Variants in RPS6KC1 observed in about 807,000 individuals in gnomAD.
The protein encoded by RPS6KC1 is inactive ribosomal protein S6 kinase delta-1.
RPS6KC1 carries 54 observed loss-of-function variants against 103.8 expected under a neutral mutation model. That is an observed-to-expected ratio of 0.52 (90% CI 0.42 to 0.65). RPS6KC1 has a LOEUF of 0.65. Among genes scored for constraint, RPS6KC1 ranks in the 30% least tolerant of loss-of-function variants. The pLI, the probability that RPS6KC1 is intolerant of heterozygous loss-of-function variation, is 0.00. For synonymous variants in RPS6KC1, 439 were observed against 438.7 expected, an observed-to-expected ratio of 1.00 and a Z score of -0.01; for missense variants, 1,151 against 1,253.8, an observed-to-expected ratio of 0.92 and a Z score of 1.24.
chr1:213,117,202 TTAGTA>T (rs2083754225), intron 4 of RPS6KC1, 110 bp from the exon 5 acceptor site: 2 of 597,928 alleles, frequency 3.3e-6, no homozygotes, highest in Admixed American at 3.2e-5. Context: ...GTTTAATAGA[TTAGTA>T]TAGTCGTTTC....
the RPS6KC1 span, among the ~76,000 whole-genome samples, chr1:213,558,342 T>C: frequency 6.6e-6 from 1 of 152,206 alleles, no homozygotes; most frequent in African/African-American, 2.4e-5. Flanking sequence ...TTGCGGCACC[T>C]GCCTCTGGAT....
At chr1:213,739,386 T>C in the RPS6KC1 span, among the ~76,000 whole-genome samples, 1 of 152,168 alleles carries the variant, frequency 6.6e-6, no homozygotes, top group Admixed American at 6.5e-5. Context: ...TAGTTAAGTT[T>C]TGGGAGAGTC....
chr1:213,182,900 T>C (rs1333951144), intron 8 of RPS6KC1, among the ~76,000 whole-genome samples: 1 of 149,484 alleles, frequency 6.7e-6, no homozygotes, highest in East Asian at 1.9e-4. Flanking sequence ...ATGACGTATA[T>C]ATCATATATA....
the RPS6KC1 span, among the ~76,000 whole-genome samples, chr1:213,406,053 G>A: frequency 8.1e-4 from 124 of 152,344 alleles, 1 homozygote; most frequent in African/African-American, 2.7e-3. Context: ...CTCTGGGGTT[G>A]CAGCACACTG....
chr1:213,741,781 T>G, the RPS6KC1 span, among the ~76,000 whole-genome samples: 2 of 152,028 alleles, frequency 1.3e-5, no homozygotes, highest in Admixed American at 1.3e-4. Flanking sequence ...GCAGATGGTG[T>G]CTCTGAGGGT....
the RPS6KC1 span, among the ~76,000 whole-genome samples, chr1:213,323,175 C>A: frequency 6.6e-6 from 1 of 151,976 alleles, no homozygotes; most frequent in African/African-American, 2.4e-5. Flanking sequence ...TCCTCTTTCC[C>A]ATATAGAGAC....
the RPS6KC1 span, among the ~76,000 whole-genome samples, chr1:213,570,562 A>G: frequency 0.45 from 68,107 of 151,632 alleles, 16,483 homozygotes; most frequent in African/African-American, 0.66. Context: ...AATGCCCCCT[A>G]CGAAACACTT....
At chr1:213,802,334 AC>A in the RPS6KC1 span, among the ~76,000 whole-genome samples, 2 of 152,224 alleles carry the variant, frequency 1.3e-5, no homozygotes, top group Non-Finnish European at 2.9e-5. Flanking sequence ...AATCCAGTAA[AC>A]CTAGAAAAAC....
chr1:213,761,369 G>A, the RPS6KC1 span, among the ~76,000 whole-genome samples: 18 of 152,162 alleles, frequency 1.2e-4, no homozygotes, highest in African/African-American at 3.9e-4. Context: ...CAATATCTGG[G>A]GCAATTTCTC....
At chr1:213,578,950 A>C in the RPS6KC1 span, among the ~76,000 whole-genome samples, 2 of 152,062 alleles carry the variant, frequency 1.3e-5, no homozygotes, top group Non-Finnish European at 2.9e-5. Flanking sequence ...CCAGGGGTGG[A>C]ATGATATGAT....
the RPS6KC1 span, among the ~76,000 whole-genome samples, chr1:213,451,470 C>T: frequency 1.3e-5 from 2 of 152,216 alleles, no homozygotes; most frequent in South Asian, 2.1e-4. Flanking sequence ...TTGCATGGAA[C>T]AGGGATTCCC....
At chr1:213,764,157 C>T in the RPS6KC1 span, among the ~76,000 whole-genome samples, 1 of 152,224 alleles carries the variant, frequency 6.6e-6, no homozygotes, top group Non-Finnish European at 1.5e-5. Flanking sequence ...TTATCACCTT[C>T]ATGCACTTGT....
the RPS6KC1 span, among the ~76,000 whole-genome samples, chr1:213,524,015 G>A: frequency 6.6e-6 from 1 of 152,020 alleles, no homozygotes; most frequent in Admixed American, 6.6e-5. Flanking sequence ...GAAGATTGTC[G>A]GTGACTCCCA....
At chr1:213,159,953 T>C (rs564167537) in intron 6 of RPS6KC1, among the ~76,000 whole-genome samples, 1 of 152,300 alleles carries the variant, frequency 6.6e-6, no homozygotes, top group Non-Finnish European at 1.5e-5. Flanking sequence ...TAAATGAAAA[T>C]CTATTATTTT....
intron 12 of RPS6KC1, among the ~76,000 whole-genome samples, chr1:213,244,460 A>T (rs1304514149): frequency 6.6e-6 from 1 of 152,024 alleles, no homozygotes; most frequent in East Asian, 1.9e-4. Flanking sequence ...TTTTGTTGTT[A>T]CTTTCTTTTT....
the RPS6KC1 span, among the ~76,000 whole-genome samples, chr1:213,447,526 C>T: frequency 2.6e-5 from 4 of 152,202 alleles, no homozygotes; most frequent in African/African-American, 7.2e-5. Flanking sequence ...TTTCCCAGCA[C>T]ATGTGTTATA....
chr1:213,227,910 T>A (rs2093997208), intron 8 of RPS6KC1, among the ~76,000 whole-genome samples: 1 of 152,260 alleles, frequency 6.6e-6, no homozygotes, highest in Non-Finnish European at 1.5e-5. Context: ...GTAATCTCTC[T>A]GTTTTAAGGT....
At chr1:213,122,429 A>C (rs945807885) in intron 5 of RPS6KC1, among the ~76,000 whole-genome samples, 4 of 152,146 alleles carry the variant, frequency 2.6e-5, no homozygotes, top group Admixed American at 6.6e-5. Context: ...ATTTTCATTT[A>C]ATAGATTTAA....
the RPS6KC1 span, among the ~76,000 whole-genome samples, chr1:213,763,568 G>C: frequency 6.6e-6 from 1 of 152,186 alleles, no homozygotes; most frequent in East Asian, 1.9e-4. Flanking sequence ...CTGTAAAAAG[G>C]GGATGCTGAG....
Sources: gnomAD v4.1 joint callset for allele counts (sites outside exome capture counted in the v4.1 genomes callset) on GRCh38, gnomAD v4.1.1 for gene constraint, MANE v1.5 for transcripts, NCBI Gene and HGNC (gene_info 2026-07-23, HGNC 2026-07-21) for gene names.